DPP10: variants seen among roughly 807,000 people sequenced by gnomAD.
The protein encoded by DPP10 is inactive dipeptidyl peptidase 10.
In DPP10, 33 loss-of-function variants were observed where a neutral mutation model predicts 120.9. The observed-to-expected ratio is 0.27, with a 90% confidence interval of 0.21 to 0.37. DPP10 has a LOEUF of 0.37. Ranked by LOEUF, DPP10 falls within the 10% of genes least tolerant of loss-of-function variation. DPP10 has a pLI of 1.00. For synonymous variants in DPP10, 337 were observed against 326.1 expected (o/e 1.03, Z -0.36); for missense variants, 816 against 942.8 (o/e 0.87, Z 1.76).
At chr2:115,622,988 G>A (rs1300538599) in intron 5 of DPP10, among the ~76,000 whole-genome samples, 3 of 151,780 alleles carry the variant, frequency 2.0e-5, no homozygotes, top group Non-Finnish European at 4.4e-5. Context: ...GACTACAGGC[G>A]CCCGCCCCCA....
chr2:115,373,740 G>A (rs1451284547), intron 3 of DPP10, among the ~76,000 whole-genome samples: 1 of 151,910 alleles, frequency 6.6e-6, no homozygotes, highest in Non-Finnish European at 1.5e-5. Context: ...AACCACCTGA[G>A]ACTGGGTAGT....
chr2:114,820,389 T>C (rs184422945), intron 1 of DPP10, among the ~76,000 whole-genome samples: 191 of 152,322 alleles, frequency 1.3e-3, no homozygotes, highest in African/African-American at 4.3e-3. Flanking sequence ...TACTATGTGA[T>C]ACCAAATTCT....
chr2:114,601,697 A>T (rs1692380581), intron 1 of DPP10, among the ~76,000 whole-genome samples: 1 of 151,992 alleles, frequency 6.6e-6, no homozygotes, highest in African/African-American at 2.4e-5. Context: ...TGGCTATGTT[A>T]CATCTGAGAA....
intron 1 of DPP10, among the ~76,000 whole-genome samples, chr2:114,874,890 C>T (rs1375504070): frequency 6.6e-6 from 1 of 152,038 alleles, no homozygotes; most frequent in Admixed American, 6.6e-5. Context: ...TATTTAGCCA[C>T]CTATTCCTAA....
chr2:115,344,789 A>G (rs2063629740), intron 3 of DPP10, among the ~76,000 whole-genome samples: 1 of 152,156 alleles, frequency 6.6e-6, no homozygotes, highest in Non-Finnish European at 1.5e-5. Flanking sequence ...ATAGCTGTTA[A>G]TCTTTACCCT....
intron 1 of DPP10, among the ~76,000 whole-genome samples, chr2:115,238,858 T>C (rs1057061652): frequency 1.3e-5 from 2 of 152,086 alleles, no homozygotes; most frequent in Non-Finnish European, 2.9e-5. Flanking sequence ...AGGGAGTTTA[T>C]TAGGTAGCAT....
At chr2:114,690,762 G>C (rs531094409) in intron 1 of DPP10, among the ~76,000 whole-genome samples, 1 of 152,134 alleles carries the variant, frequency 6.6e-6, no homozygotes, top group South Asian at 2.1e-4. Context: ...ATTTCCTTGA[G>C]CAGTGGTTTG....
chr2:115,112,446 A>G (rs1301883775), intron 1 of DPP10, among the ~76,000 whole-genome samples: 2 of 152,112 alleles, frequency 1.3e-5, no homozygotes, highest in Non-Finnish European at 2.9e-5. Context: ...AAATTTGTAT[A>G]TATTTATCAT....
intron 15 of DPP10, among the ~76,000 whole-genome samples, chr2:115,778,968 A>G (rs1682442147): frequency 6.6e-6 from 1 of 152,132 alleles, no homozygotes; most frequent in Non-Finnish European, 1.5e-5. Context: ...TTGGTGACCT[A>G]AAGCTTATCT....
At position 115,842,527 on chromosome 2, in the gene DPP10, A is replaced by G; in HGVS notation, c.*182A>G. On this transcript the variant is annotated 3_prime_UTR_variant, in exon 26 of 26. Coordinates refer to ENST00000410059, the MANE Select transcript of DPP10 (RefSeq NM_020868.6). ...ACAAGTCCAAGTCTACTGTGTTGCT[A>G]GGGGTGCAGAACCCGTTTCTTTGTA... The G allele has an allele frequency of 3.2e-6, 2 of 619,864 alleles. No individual in the cohort carries two copies. Among genetic ancestry groups the G allele is most frequent in the Non-Finnish European group, 4.9e-6 (2 of 407,194 alleles). The allele number at this position is 619,864 out of a possible 1,614,324, so 38.4% of individuals were successfully genotyped here. A position where few individuals can be genotyped will look rare whatever the true frequency, so the allele number is the denominator to read the frequency against.
chr2:115,583,057 G>C (rs1422192628), intron 5 of DPP10, among the ~76,000 whole-genome samples: 6 of 152,206 alleles, frequency 3.9e-5, no homozygotes, highest in African/African-American at 1.2e-4. Flanking sequence ...TGGATCTCAA[G>C]AAGAGGAATT....
rs560046598 is a variant in DPP10, at chr2:114,526,361, T to C, written c.60+83523T>C. Among the ~76,000 whole-genome samples the C allele has an allele frequency of 2.0e-5, 3 of 152,342 alleles. No homozygotes were observed. The East Asian group carries it at 5.8e-4, about 29-fold the overall frequency. The stretch of plus-strand genomic sequence containing the variant: ...AATTGCACAGTGATAGCCAAGAGCA[T>C]AAATTTTCTTTGTACTTTTATATAA... On this transcript the variant is annotated intron_variant, in intron 1 of 25. Transcript: ENST00000410059.
intron 1 of DPP10, among the ~76,000 whole-genome samples, chr2:114,993,290 T>C (rs1010026909): frequency 2.0e-5 from 3 of 152,046 alleles, no homozygotes; most frequent in African/African-American, 4.8e-5. Context: ...TGTGACTTCC[T>C]AAAAGTGGGG....
chr2:115,656,002 A>G (rs1452512658), intron 5 of DPP10, among the ~76,000 whole-genome samples: 3 of 151,470 alleles, frequency 2.0e-5, no homozygotes, highest in African/African-American at 2.4e-5. Flanking sequence ...TTCAATGGGT[A>G]TAAAGTTTCT....
chr2:114,944,600 T>G (rs185514744), intron 1 of DPP10, among the ~76,000 whole-genome samples: 2 of 152,316 alleles, frequency 1.3e-5, no homozygotes, highest in African/African-American at 4.8e-5. Context: ...TAAAGGAAAC[T>G]TTCTTGAGCC....
chr2:114,662,152 C>T (rs1697460049), intron 1 of DPP10, among the ~76,000 whole-genome samples: 1 of 152,146 alleles, frequency 6.6e-6, no homozygotes, highest in African/African-American at 2.4e-5. Context: ...AAATCAGGTC[C>T]GGGGGAAGAG....
At chr2:115,535,738 C>T (rs1257213346) in intron 5 of DPP10, among the ~76,000 whole-genome samples, 2 of 151,568 alleles carry the variant, frequency 1.3e-5, no homozygotes, top group African/African-American at 4.8e-5. Flanking sequence ...ATTCTTCCTA[C>T]CCATGAGCAT....
At chr2:114,581,708 A>G (rs1158466136) in intron 1 of DPP10, among the ~76,000 whole-genome samples, 1 of 152,172 alleles carries the variant, frequency 6.6e-6, no homozygotes, top group African/African-American at 2.4e-5. Flanking sequence ...AATCTTTGAC[A>G]TGTACATTTT....
intron 1 of DPP10, among the ~76,000 whole-genome samples, chr2:115,184,017 A>G (rs906108258): frequency 1.3e-5 from 2 of 152,164 alleles, no homozygotes; most frequent in South Asian, 2.1e-4. Flanking sequence ...TTTTGTTTGC[A>G]ACATTAGTTT....
Sources: allele counts gnomAD v4.1 joint callset (sites outside exome capture counted in the v4.1 genomes callset), GRCh38; gene constraint gnomAD v4.1.1; transcripts MANE v1.5; gene names NCBI Gene and HGNC (gene_info 2026-07-23, HGNC 2026-07-21).